Variants in FBP2 observed in about 807,000 individuals in gnomAD.
FBP2 encodes fructose-bisphosphatase 2.
A neutral mutation model predicts 31.6 loss-of-function variants in FBP2; 27 were observed. The observed-to-expected ratio is 0.85, with a 90% CI of 0.63 to 1.18. The LOEUF is 1.18. Ranked by LOEUF, FBP2 falls within the 50% of genes most tolerant of loss-of-function variation. FBP2 has a pLI of 0.00. For missense variants in FBP2, 421 were observed against 436.1 expected, an observed-to-expected ratio of 0.97 and a Z score of 0.31; for synonymous variants, 168 against 179.8, an observed-to-expected ratio of 0.93 and a Z score of 0.53.
intron 1 of FBP2, among the ~76,000 whole-genome samples, chr9:94,589,309 C>G (rs1047848621): frequency 6.6e-6 from 1 of 152,192 alleles, no homozygotes; most frequent in African/African-American, 2.4e-5. Flanking sequence ...GTTCCCACCA[C>G]AGCAGTGCTC....
chr9:94,562,172 G>A (rs758683050), intron 6 of FBP2, among the ~76,000 whole-genome samples: 7 of 152,016 alleles, frequency 4.6e-5, no homozygotes, highest in Non-Finnish European at 8.8e-5. Context: ...TTAGCCAGGC[G>A]TGGTGGCGGG....
At position 94,574,942 on chromosome 9, in the gene FBP2, G is replaced by A. The variant is rs555357061; in HGVS notation, c.427-3340C>T. Among the ~76,000 whole-genome samples, 20 of 152,188 alleles carry A rather than the reference G, an allele frequency of 1.3e-4. No individual in the cohort carries two copies. In the South Asian group the frequency reaches 1.9e-3, roughly 14 times the overall value. ...TAGTAGTTTGCAAATGATTTAGTGC[G>A]TCTTTTTATTTTTTTCTACACCAAT... On this transcript the variant is annotated intron_variant, in intron 3 of 6. Coordinates refer to ENST00000375337, the MANE Select transcript of FBP2 (RefSeq NM_003837.4).
At chr9:94,566,863 C>T (rs1237499253) in intron 5 of FBP2, among the ~76,000 whole-genome samples, 1 of 152,178 alleles carries the variant, frequency 6.6e-6, no homozygotes, top group African/African-American at 2.4e-5. Context: ...TTTCTAATCT[C>T]TTTTAATTTC....
intron 2 of FBP2, among the ~76,000 whole-genome samples, chr9:94,586,408 A>C (rs1455677638): frequency 7.2e-5 from 11 of 152,112 alleles, no homozygotes; most frequent in Non-Finnish European, 1.6e-4. Context: ...TAAGTAAATA[A>C]ATAAATAAAG....
rs186812732 is a variant in FBP2, at chr9:94,578,869, C to T, written c.426+5708G>A. On this transcript the variant is annotated intron_variant, in intron 3 of 6. Transcript: ENST00000375337. ...GAGATCGAGACCATCCTGGCTAACA[C>T]GGTGAAACCCAGTCTCTACTAAAAA... is the stretch of plus-strand genomic sequence containing the variant. 9.2e-4 allele frequency among the ~76,000 whole-genome samples: 139 copies of T among 151,244 alleles called. 1 individual carries two copies. In the Middle Eastern group the frequency reaches 0.014, roughly 15 times the overall value.
At chr9:94,580,228 CTTTTA>C (rs1052902780) in intron 3 of FBP2, among the ~76,000 whole-genome samples, 9 of 152,098 alleles carry the variant, frequency 5.9e-5, no homozygotes, top group African/African-American at 1.9e-4. Context: ...TCTGTATTGC[CTTTTA>C]TTTGTTTGTT....
intron 3 of FBP2, among the ~76,000 whole-genome samples, chr9:94,580,005 T>TA (rs1827359358): frequency 6.6e-6 from 1 of 152,232 alleles, no homozygotes; most frequent in Non-Finnish European, 1.5e-5. Flanking sequence ...ATTTCCCTGA[T>TA]ACACTCACAG....
intron 3 of FBP2, among the ~76,000 whole-genome samples, chr9:94,575,425 C>A (rs1375954487): frequency 2.0e-5 from 3 of 152,154 alleles, no homozygotes; most frequent in East Asian, 1.9e-4. Context: ...AAGTTTATTT[C>A]TTTGCAATTT....
Position 94,584,677 on chromosome 9 carries a change from A to G in FBP2, c.334-8T>C. ...GCAGACCACGTATTTCCCCTAAATC[A>G]GAGAGGAAAGCACCAACTGATCAGC... is the stretch of plus-strand genomic sequence containing the variant. On this transcript the variant is annotated splice_region_variant and splice_polypyrimidine_tract_variant and intron_variant, in intron 2 of 6. Coordinates refer to ENST00000375337, the MANE Select transcript of FBP2 (RefSeq NM_003837.4). 4 of 1,574,674 alleles carry G rather than the reference A, an allele frequency of 2.5e-6. No individual in the cohort carries two copies. Among genetic ancestry groups the G allele is most frequent in the Non-Finnish European group, 2.6e-6 (3 of 1,144,048 alleles).
chr9:94,561,135 G>A (rs1380451639), intron 6 of FBP2, among the ~76,000 whole-genome samples: 1 of 152,176 alleles, frequency 6.6e-6, no homozygotes, highest in Non-Finnish European at 1.5e-5. Context: ...TGGGGGATTT[G>A]GGGTATCAGA....
intron 3 of FBP2, among the ~76,000 whole-genome samples, chr9:94,573,232 C>T (rs1174441842): frequency 4.6e-5 from 7 of 152,128 alleles, no homozygotes; most frequent in Non-Finnish European, 8.8e-5. Context: ...AGTTAAGGGA[C>T]GCTCCTCCTC....
intron 3 of FBP2, among the ~76,000 whole-genome samples, chr9:94,581,580 T>C (rs1372100771): frequency 1.3e-5 from 2 of 152,162 alleles, no homozygotes; most frequent in Non-Finnish European, 2.9e-5. Flanking sequence ...AGGAACATCA[T>C]GGACCCTGGG....
intron 5 of FBP2, among the ~76,000 whole-genome samples, chr9:94,565,861 G>T (rs1354228810): frequency 2.6e-5 from 4 of 152,066 alleles, no homozygotes; most frequent in Non-Finnish European, 5.9e-5. Flanking sequence ...CGTAACTTGG[G>T]GGAGGAGAGC....
chr9:94,561,409 C>T (rs1827100254), intron 6 of FBP2, among the ~76,000 whole-genome samples: 2 of 132,294 alleles, frequency 1.5e-5, no homozygotes, highest in Non-Finnish European at 3.1e-5. Flanking sequence ...GTCACCCAGG[C>T]TGGAGTGCAG....
intron 5 of FBP2, among the ~76,000 whole-genome samples, chr9:94,565,525 A>C (rs1262192267): frequency 6.6e-6 from 1 of 152,218 alleles, no homozygotes; most frequent in Non-Finnish European, 1.5e-5. Flanking sequence ...ATTAAGTCAT[A>C]AAATCAAAAC....
chr9:94,585,536 G>GA (rs1827417313), intron 2 of FBP2, among the ~76,000 whole-genome samples: 1 of 151,526 alleles, frequency 6.6e-6, no homozygotes, highest in South Asian at 2.1e-4. Context: ...GGAGAGCCAT[G>GA]AGGGGGGGTC....
At chr9:94,568,739 C>T (rs1188378852) in intron 4 of FBP2, 3 of 152,218 alleles carry the variant, frequency 2.0e-5, no homozygotes, top group African/African-American at 7.2e-5. Flanking sequence ...AACAACTAAA[C>T]AATCCTTTCC....
At chr9:94,590,693 G>A (rs1214211455) in intron 1 of FBP2, among the ~76,000 whole-genome samples, 4 of 152,224 alleles carry the variant, frequency 2.6e-5, no homozygotes, top group Non-Finnish European at 5.9e-5. Context: ...AAGAGCGAAA[G>A]AACAAAGCCT....
At chr9:94,569,406 T>G (rs1827241022) in intron 4 of FBP2, 1 of 152,244 alleles carries the variant, frequency 6.6e-6, no homozygotes, top group Admixed American at 6.5e-5. Flanking sequence ...TCAATTTTGC[T>G]GTTGCTTTCC....
Sources: allele counts gnomAD v4.1 joint callset (sites outside exome capture counted in the v4.1 genomes callset), GRCh38; gene constraint gnomAD v4.1.1; transcripts MANE v1.5; gene names NCBI Gene and HGNC (gene_info 2026-07-23, HGNC 2026-07-21).